CHN2: variants seen among roughly 807,000 people sequenced by gnomAD.
The protein encoded by CHN2 is chimerin 2, also known as beta-chimaerin.
Under a neutral mutation model 56.3 loss-of-function variants are expected in CHN2, and 35 were observed. That is an observed-to-expected ratio of 0.62 (90% CI 0.47 to 0.82). The LOEUF is 0.82. Ranked by LOEUF, CHN2 falls within the 40% of genes least tolerant of loss-of-function variation. The pLI is 0.00. For synonymous variants in CHN2, 210 were observed against 212.8 expected (o/e 0.99, Z 0.12); for missense variants, 491 against 580.5 (o/e 0.85, Z 1.58).
chr7:29,237,440 G>T (rs1179549769), intron 1 of CHN2, among the ~76,000 whole-genome samples: 1 of 152,080 alleles, frequency 6.6e-6, no homozygotes, highest in Non-Finnish European at 1.5e-5. Flanking sequence ...ACACGTGTTT[G>T]TCTAAAGCTA....
At chr7:29,195,116 C>A (rs918983935) in intron 1 of CHN2, 126 bp downstream of exon 1, 14 of 986,944 alleles carry the variant, frequency 1.4e-5, no homozygotes, top group Non-Finnish European at 2.0e-5. Context: ...TGGGGGCAGG[C>A]GTCCGGGGTG....
intron 1 of CHN2, among the ~76,000 whole-genome samples, chr7:29,316,590 T>A (rs1243704341): frequency 6.6e-6 from 1 of 152,206 alleles, no homozygotes; most frequent in Non-Finnish European, 1.5e-5. Context: ...AATTACTTGT[T>A]GTAAACTAGC....
intron 6 of CHN2, among the ~76,000 whole-genome samples, chr7:29,475,250 A>T (rs543271834): frequency 1.3e-5 from 2 of 152,198 alleles, no homozygotes; most frequent in Non-Finnish European, 2.9e-5. Context: ...GAAGAAAAAA[A>T]AGAAGTGGTG....
intron 2 of CHN2, chr7:29,147,153 C>T (rs1792846876): frequency 1.4e-6 from 1 of 738,960 alleles, no homozygotes; most frequent in Non-Finnish European, 2.1e-6. Flanking sequence ...TATTAGCCAC[C>T]ACCAGGTGCT....
At chr7:29,281,143 T>C (rs2128859742) in intron 1 of CHN2, among the ~76,000 whole-genome samples, 1 of 152,340 alleles carries the variant, frequency 6.6e-6, no homozygotes, top group East Asian at 1.9e-4. Flanking sequence ...GTGAAAAGTC[T>C]CCCTTGTGCT....
chr7:29,206,607 A>G (rs1436728339), intron 1 of CHN2, among the ~76,000 whole-genome samples: 1 of 152,016 alleles, frequency 6.6e-6, no homozygotes, highest in Non-Finnish European at 1.5e-5. Flanking sequence ...ACTTATTTGC[A>G]TGTACTTGCA....
At chr7:29,469,349 A>G (rs79776490) in intron 6 of CHN2, among the ~76,000 whole-genome samples, 7,414 of 152,302 alleles carry the variant, frequency 0.049, 296 homozygotes, top group Admixed American at 0.12. Flanking sequence ...CACAGCAGGC[A>G]GAGCAATGCT....
chr7:29,262,735 A>G (rs1789665406), intron 1 of CHN2, among the ~76,000 whole-genome samples: 1 of 152,160 alleles, frequency 6.6e-6, no homozygotes, highest in Non-Finnish European at 1.5e-5. Flanking sequence ...AACAGTGTGA[A>G]TGTGATTAAT....
intron 6 of CHN2, among the ~76,000 whole-genome samples, chr7:29,467,441 C>T (rs1045093603): frequency 6.6e-6 from 1 of 152,134 alleles, no homozygotes; most frequent in African/African-American, 2.4e-5. Context: ...GGGGAAAGAG[C>T]TTGGTTCAAG....
chr7:29,169,652 A>G (rs1166927892), intron 2 of CHN2, among the ~76,000 whole-genome samples: 2 of 151,958 alleles, frequency 1.3e-5, no homozygotes, highest in Non-Finnish European at 2.9e-5. Flanking sequence ...TTCATGTCCT[A>G]TGTATGGCTG....
chr7:29,324,031 GAA>G (rs1030666100), intron 1 of CHN2, among the ~76,000 whole-genome samples: 1 of 147,278 alleles, frequency 6.8e-6, no homozygotes. Context: ...CCAAAAAAAA[GAA>G]AAAAAAAGTT....
chr7:29,348,080 ATTAC>A (rs67776225), intron 1 of CHN2, among the ~76,000 whole-genome samples: 35,341 of 151,986 alleles, frequency 0.23, 4,645 homozygotes, highest in Non-Finnish European at 0.3. Context: ...GCAATGGTGT[ATTAC>A]TTTAAAGTTC....
At chr7:29,273,386 T>TACAC (rs1562882167) in intron 1 of CHN2, among the ~76,000 whole-genome samples, 1 of 47,736 alleles carries the variant, frequency 2.1e-5, no homozygotes, top group Non-Finnish European at 3.6e-5. Flanking sequence ...TATATATATA[T>TACAC]ATACACACAC....
intron 6 of CHN2, among the ~76,000 whole-genome samples, chr7:29,469,347 G>A (rs1785836022): frequency 6.6e-6 from 1 of 152,168 alleles, no homozygotes; most frequent in South Asian, 2.1e-4. Flanking sequence ...AACACAGCAG[G>A]CAGAGCAATG....
At chr7:29,496,539 G>T (rs142408063) in intron 8 of CHN2, among the ~76,000 whole-genome samples, 38 of 151,932 alleles carry the variant, frequency 2.5e-4, no homozygotes, top group African/African-American at 8.9e-4. Flanking sequence ...AGACACAGAG[G>T]CTTGTTATTT....
chr7:29,180,523 A>G (rs565897427), intron 2 of CHN2, among the ~76,000 whole-genome samples: 25 of 151,830 alleles, frequency 1.6e-4, no homozygotes, highest in African/African-American at 5.6e-4. Context: ...GCGACAGAGC[A>G]ACAGAGCAAG....
intron 1 of CHN2, among the ~76,000 whole-genome samples, chr7:29,317,653 A>T (rs1171815670): frequency 1.3e-5 from 2 of 152,174 alleles, no homozygotes; most frequent in East Asian, 3.9e-4. Flanking sequence ...CCAGACATTA[A>T]ACTAGACAAT....
intron 1 of CHN2, among the ~76,000 whole-genome samples, chr7:29,221,184 T>C (rs752697713): frequency 6.6e-6 from 1 of 152,156 alleles, no homozygotes; most frequent in Non-Finnish European, 1.5e-5. Context: ...AGATCACCAA[T>C]TGGCAATTCT....
chr7:29,504,871 G>T (rs780146455), intron 10 of CHN2, 50 bp downstream of exon 10: 1 of 1,296,112 alleles, frequency 7.7e-7, no homozygotes, highest in Non-Finnish European at 1.1e-6. Context: ...CACCCTTCTC[G>T]ATTGGAAGTA....
Sources: gnomAD v4.1 joint callset for allele counts (sites outside exome capture counted in the v4.1 genomes callset) on GRCh38, gnomAD v4.1.1 for gene constraint, MANE v1.5 for transcripts, NCBI Gene and HGNC (gene_info 2026-07-23, HGNC 2026-07-21) for gene names.